The following ELP4 variants were observed in gnomAD, a reference collection of about 807,000 sequenced individuals.
ELP4 encodes the protein elongator complex protein 4.
ELP4 carries 51 observed loss-of-function variants against 48.9 expected under a neutral mutation model. The observed-to-expected ratio is 1.04, with a 90% CI of 0.83 to 1.32. The LOEUF is 1.32. Among genes scored for constraint, ELP4 ranks in the 40% most tolerant of loss-of-function variants. The probability of loss-of-function intolerance (pLI) is 0.00; values close to 1 mark genes in which losing one functional copy is unlikely to be tolerated. For synonymous variants in ELP4, 210 were observed against 189.2 expected (o/e 1.11, Z -0.90); for missense variants, 519 against 514.6 (o/e 1.01, Z -0.08).
At chr11:31,527,456 A>G (rs960967599) in intron 2 of ELP4, among the ~76,000 whole-genome samples, 2 of 151,986 alleles carry the variant, frequency 1.3e-5, no homozygotes, top group South Asian at 2.1e-4. Context: ...AGCTTTCCCT[A>G]CTTCCAAATT....
intron 9 of ELP4, among the ~76,000 whole-genome samples, chr11:31,709,335 C>T (rs1161656464): frequency 6.6e-6 from 1 of 152,158 alleles, no homozygotes; most frequent in Non-Finnish European, 1.5e-5. Context: ...CAAGATTAGT[C>T]TTCAGGTGCT....
At chr11:31,703,760 T>C (rs1471046581) in intron 9 of ELP4, among the ~76,000 whole-genome samples, 10 of 152,198 alleles carry the variant, frequency 6.6e-5, no homozygotes, top group Non-Finnish European at 1.3e-4. Context: ...AATCAAAGTG[T>C]TTCCTGATTG....
chr11:31,721,946 G>A (rs755650321), intron 9 of ELP4, among the ~76,000 whole-genome samples: 1 of 152,060 alleles, frequency 6.6e-6, no homozygotes, highest in Non-Finnish European at 1.5e-5. Context: ...CCGATGTTGT[G>A]GCCCTCTCCA....
intron 9 of ELP4, among the ~76,000 whole-genome samples, chr11:31,759,978 C>CA (rs1947911752): frequency 1.3e-5 from 2 of 152,198 alleles, no homozygotes; most frequent in South Asian, 4.1e-4. Context: ...GCTGGGATTA[C>CA]AGGCTATGAG....
intron 9 of ELP4, chr11:31,763,682 T>A (rs1947992302): frequency 5.2e-6 from 5 of 968,334 alleles, no homozygotes; most frequent in South Asian, 6.2e-5. Context: ...TACCAAAGAT[T>A]AAACTTTACA....
intron 9 of ELP4, among the ~76,000 whole-genome samples, chr11:31,688,310 C>G (rs1019474678): frequency 6.6e-6 from 1 of 152,162 alleles, no homozygotes; most frequent in Non-Finnish European, 1.5e-5. Context: ...ATCCCCACCT[C>G]CATCCTCACC....
At chr11:31,510,070 GA>G (rs1955956022) in intron 1 of ELP4, 63 bp downstream of exon 1, 2 of 1,499,850 alleles carry the variant, frequency 1.3e-6, no homozygotes, top group Admixed American at 3.6e-5. Context: ...ACCTGTCGGG[GA>G]AGCCACTTTG....
rs1592333221 is a variant in ELP4 at position 31,787,852 on chromosome 11, G to A, written c.*4328G>A. 1.4e-5 allele frequency: 3 copies of A among 221,904 alleles called. No individual in the cohort carries two copies. Among genetic ancestry groups the A allele is most frequent in the East Asian group, 1.3e-4 (2 of 15,234 alleles). 13.7% of individuals were successfully genotyped at this position (221,904 alleles called of 1,614,324 possible). ...AGTAGATATTGAACGAGAAGGTCAT[G>A]TTTAAATCCTTCCATTAATTTCTAC... On this transcript the variant is annotated 3_prime_UTR_variant, in exon 10 of 10. Transcript: ENST00000640961.
At chr11:31,585,362 G>A (rs961406490) in intron 3 of ELP4, among the ~76,000 whole-genome samples, 24 of 151,778 alleles carry the variant, frequency 1.6e-4, no homozygotes, top group Admixed American at 2.6e-4. Context: ...AATACTCACT[G>A]AGGCAAATGA....
rs765527666 is a variant in ELP4 at position 31,603,903 on chromosome 11, C to T, written c.649C>T (p.Pro217Ser). ...EKISSTLKVE[P>S]CSLTPGYTKL... The stretch of plus-strand genomic sequence containing the variant: ...AATATCTTCAACTCTCAAAGTAGAA[C>T]CCTGGTAAGTTAATGACCCATTTAA... The change falls in exon 5 of 10, where the codon CCC becomes TCC. Residue 217 changes from proline to serine, a missense_variant. Coordinates refer to ENST00000640961, the MANE Select transcript of ELP4 (RefSeq NM_019040.5). The T allele has an allele frequency of 7.5e-6, 12 of 1,610,090 alleles. No homozygotes were observed. In the East Asian group the frequency reaches 1.1e-4, roughly 15 times the overall value.
At chr11:31,565,679 G>A (rs1002458632) in intron 3 of ELP4, among the ~76,000 whole-genome samples, 5 of 149,814 alleles carry the variant, frequency 3.3e-5, no homozygotes, top group Non-Finnish European at 7.4e-5. Flanking sequence ...AGATCAGATG[G>A]TTGTAGATGT....
intron 7 of ELP4, among the ~76,000 whole-genome samples, chr11:31,640,993 G>A (rs898205433): frequency 1.5e-4 from 23 of 152,058 alleles, no homozygotes; most frequent in African/African-American, 5.3e-4. Flanking sequence ...TGTTCTGGGA[G>A]CTTCTGGTTG....
intron 9 of ELP4, chr11:31,650,838 G>T (rs1160532864): frequency 6.6e-6 from 1 of 151,688 alleles, no homozygotes; most frequent in African/African-American, 2.4e-5. Context: ...AATTAGAATT[G>T]ATGTATTTAT....
At chr11:31,616,269 A>G (rs991206856) in intron 5 of ELP4, among the ~76,000 whole-genome samples, 2 of 152,114 alleles carry the variant, frequency 1.3e-5, no homozygotes, top group Non-Finnish European at 2.9e-5. Context: ...AGATAGCCCA[A>G]AAATAAATTT....
At chr11:31,577,037 A>T (rs1957295679) in intron 3 of ELP4, among the ~76,000 whole-genome samples, 1 of 152,072 alleles carries the variant, frequency 6.6e-6, no homozygotes. Flanking sequence ...AAAATTGATA[A>T]GCCACTAGCA....
chr11:31,518,087 A>G (rs1956149317), intron 1 of ELP4, among the ~76,000 whole-genome samples: 1 of 151,740 alleles, frequency 6.6e-6, no homozygotes, highest in African/African-American at 2.4e-5. Context: ...GTGTAGTGCT[A>G]ATTTCTTTAA....
chr11:31,625,223 T>G (rs1277283134), intron 5 of ELP4, among the ~76,000 whole-genome samples: 1 of 151,728 alleles, frequency 6.6e-6, no homozygotes, highest in African/African-American at 2.4e-5. Flanking sequence ...TGATGGGAAT[T>G]TTTCAATTCT....
intron 9 of ELP4, among the ~76,000 whole-genome samples, chr11:31,762,288 CT>C (rs1314677989): frequency 6.6e-6 from 1 of 152,118 alleles, no homozygotes; most frequent in Non-Finnish European, 1.5e-5. Context: ...AAAAAGATAA[CT>C]TTTGCCTACC....
At chr11:31,743,474 C>T (rs534306812) in intron 9 of ELP4, among the ~76,000 whole-genome samples, 18 of 152,242 alleles carry the variant, frequency 1.2e-4, no homozygotes, top group African/African-American at 4.3e-4. Flanking sequence ...ACACCTACTC[C>T]AAAATTGACC....
Sources: allele counts gnomAD v4.1 joint callset (sites outside exome capture counted in the v4.1 genomes callset), GRCh38; gene constraint gnomAD v4.1.1; transcripts MANE v1.5; gene names NCBI Gene and HGNC (gene_info 2026-07-23, HGNC 2026-07-21).